Variants in WBP4 observed in about 807,000 individuals in gnomAD.
WBP4 encodes WW domain-binding protein 4.
A neutral mutation model predicts 55.4 loss-of-function variants in WBP4; 37 were observed. The observed-to-expected ratio is 0.67, with a 90% CI of 0.51 to 0.88. WBP4 has a LOEUF of 0.88. Ranked by LOEUF, WBP4 falls within the 40% of genes least tolerant of loss-of-function variation. The pLI is 0.00. For synonymous variants in WBP4, 142 were observed against 140.2 expected, an observed-to-expected ratio of 1.01 and a Z score of -0.09; for missense variants, 398 against 420.8, an observed-to-expected ratio of 0.95 and a Z score of 0.47.
chr13:41,073,846 C>CT (rs1878359353), intron 7 of WBP4, among the ~76,000 whole-genome samples: 2 of 151,658 alleles, frequency 1.3e-5, no homozygotes, highest in Non-Finnish European at 1.5e-5. Context: ...TTAGTAGTGT[C>CT]TAACAAATTA....
At position 41,063,284 on chromosome 13, in the gene WBP4, C is replaced by A. The variant is rs183468548; in HGVS notation, c.75+568C>A. Among the ~76,000 whole-genome samples the A allele has an allele frequency of 1.9e-3, 287 of 152,280 alleles. 1 individual carries two copies. Among genetic ancestry groups the A allele is most frequent in the African/African-American group, 6.5e-3 (269 of 41,552 alleles). ...AGCACACCGCTGATTTTTCTCCCCTCTTGCATGTCAAAATACTATGTACAT... is the reference window on the plus strand; with the variant it reads ...AGCACACCGCTGATTTTTCTCCCCTATTGCATGTCAAAATACTATGTACAT... On this transcript the variant is annotated intron_variant, in intron 2 of 9. Coordinates refer to ENST00000379487, the MANE Select transcript of WBP4 (RefSeq NM_007187.5).
At chr13:41,066,027 G>A (rs1054848622) in intron 4 of WBP4, among the ~76,000 whole-genome samples, 12 of 152,114 alleles carry the variant, frequency 7.9e-5, no homozygotes, top group African/African-American at 2.9e-4. Context: ...AAGTTAATTG[G>A]CATTGTGTTC....
At chr13:41,076,723 T>C (rs909239746) in intron 8 of WBP4, among the ~76,000 whole-genome samples, 1 of 152,170 alleles carries the variant, frequency 6.6e-6, no homozygotes, top group African/African-American at 2.4e-5. Context: ...ATTATTAGCA[T>C]TGAGCAATGG....
At position 41,071,375 on chromosome 13, in the gene WBP4, G is replaced by A. The variant is rs1593428825; in HGVS notation, c.440-152G>A. 1.3e-5 allele frequency: 8 copies of A among 618,404 alleles called. No individual in the cohort carries two copies. In the East Asian group the frequency reaches 2.3e-4, roughly 17 times the overall value. The allele number at this position is 618,404 out of a possible 1,614,324, so 38.3% of individuals were successfully genotyped here. A position where few individuals can be genotyped will look rare whatever the true frequency, so the allele number is the denominator to read the frequency against. On this transcript the variant is annotated intron_variant, in intron 5 of 9. Coordinates refer to ENST00000379487, the MANE Select transcript of WBP4 (RefSeq NM_007187.5). ...TCACATATATTGTCTGCACAGTACT[G>A]GGATGTATGTTCTGTTTTATTTTTC...
At chr13:41,065,663 C>A (rs1877940981) in intron 4 of WBP4, among the ~76,000 whole-genome samples, 1 of 152,062 alleles carries the variant, frequency 6.6e-6, no homozygotes, top group African/African-American at 2.4e-5. Context: ...TTCACTGTGT[C>A]CATATGGTGA....
chr13:41,065,229 G>T lies in WBP4; in HGVS notation c.204G>T (p.Met68Ile). ...EEKASKEFAA[M>I]EAAALKAYQE... is the part of the protein sequence containing the mutation. ...AGGCATCAAAGGAGTTTGCTGCAAT[G>T]GAGGCAGCTGCCCTGAAAGCATACC... The change falls in exon 4 of 10, where the codon ATG becomes ATT. Residue 68 changes from methionine to isoleucine, a missense_variant. By Grantham distance (10) the Met-to-Ile change is conservative (BLOSUM62 1). Transcript: ENST00000379487. 6.2e-7 allele frequency: 1 copy of T among 1,611,976 alleles called. No individual in the cohort carries two copies. Among genetic ancestry groups the T allele is most frequent in the Non-Finnish European group, 8.5e-7 (1 of 1,179,190 alleles).
chr13:41,071,255 CT>C (rs1878232319), intron 5 of WBP4, among the ~76,000 whole-genome samples: 6 of 152,310 alleles, frequency 3.9e-5, no homozygotes, highest in African/African-American at 1.4e-4. Flanking sequence ...TCTGTGAAAC[CT>C]TTATGAGAAG....
intron 2 of WBP4, 87 bp from the exon 3 acceptor site, chr13:41,064,929 C>T: frequency 1.6e-6 from 2 of 1,222,846 alleles, no homozygotes; most frequent in Non-Finnish European, 2.2e-6. Context: ...TTTTAATTTT[C>T]TCATGTTTAT....
rs748724660 is a variant in WBP4 at position 41,072,835 on chromosome 13, T to C, written c.540T>C (p.Tyr180=). The change falls in exon 7 of 10, where the codon TAT becomes TAC. Residue 180 remains tyrosine, a synonymous_variant. Coordinates refer to ENST00000379487, the MANE Select transcript of WBP4 (RefSeq NM_007187.5). ...GTTTAAGTGAAGATGGTTTTACCTA[T>C]TACTATAATACAGAAACAGGAGGTA... ...VEGLSEDGFT[Y]YYNTETGESR... The C allele has an allele frequency of 6.2e-7, 1 of 1,613,554 alleles. No homozygotes were observed. Among genetic ancestry groups the C allele is most frequent in the South Asian group, 1.1e-5 (1 of 91,020 alleles).
At chr13:41,077,494 A>C (rs1878553330) in intron 8 of WBP4, among the ~76,000 whole-genome samples, 1 of 152,130 alleles carries the variant, frequency 6.6e-6, no homozygotes, top group Non-Finnish European at 1.5e-5. Flanking sequence ...TCTGTCTCAA[A>C]AAAAAAAGAA....
At chr13:41,078,677 A>G (rs1878610614) in intron 8 of WBP4, among the ~76,000 whole-genome samples, 1 of 152,122 alleles carries the variant, frequency 6.6e-6, no homozygotes, top group Admixed American at 6.5e-5. Flanking sequence ...AAAATAGAAA[A>G]TTAGCTGGGT....
intron 7 of WBP4, among the ~76,000 whole-genome samples, chr13:41,075,363 C>G (rs185532056): frequency 6.6e-6 from 1 of 152,240 alleles, no homozygotes; most frequent in South Asian, 2.1e-4. Context: ...TAATTTCACT[C>G]CATGAAAATC....
At chr13:41,071,050 T>C (rs1878223518) in intron 5 of WBP4, among the ~76,000 whole-genome samples, 1 of 152,204 alleles carries the variant, frequency 6.6e-6, no homozygotes, top group African/African-American at 2.4e-5. Context: ...AAACTGTTAT[T>C]TCATTTCTCC....
Position 41,065,075 on chromosome 13 carries a change from T to C in WBP4, c.135T>C (p.Ser45=). 1 of 1,598,924 alleles carries C rather than the reference T, an allele frequency of 6.3e-7. No individual in the cohort carries two copies. ...AGGAAAATGTGGCAAAAAGGATCAGTGAGGTAATTTAGATTGTTTATTTGC... is the reference window on the plus strand; with the variant it reads ...AGGAAAATGTGGCAAAAAGGATCAGCGAGGTAATTTAGATTGTTTATTTGC... ...NHKENVAKRI[S]EIKQKSLDKA... The change falls in exon 3 of 10, where the codon AGT becomes AGC. Residue 45 remains serine (S), a synonymous_variant. Coordinates refer to ENST00000379487, the MANE Select transcript of WBP4 (RefSeq NM_007187.5).
At chr13:41,061,736 CCCGGGTCTT>C in intron 1 of WBP4, 61 bp downstream of exon 1, 1 of 1,609,498 alleles carries the variant, frequency 6.2e-7, no homozygotes, top group Non-Finnish European at 8.5e-7. Context: ...CCCTTTCTCG[CCCGGGTCTT>C]CCCCTCCTCT....
chr13:41,077,320 A>G (rs1483378749), intron 8 of WBP4, among the ~76,000 whole-genome samples: 1 of 152,182 alleles, frequency 6.6e-6, no homozygotes, highest in African/African-American at 2.4e-5. Flanking sequence ...CCTCATAATA[A>G]TAAAATAATA....
Position 41,080,808 on chromosome 13 carries a change from CAGTA to C in WBP4, c.920+4_920+7del, listed in dbSNP as rs1429236556. The C allele has an allele frequency of 1.2e-6, 2 of 1,604,728 alleles. No homozygotes were observed. The highest frequency in any genetic ancestry group is 1.1e-5 in the South Asian group (1 of 88,236). On this transcript the variant is annotated splice_donor_variant and splice_donor_region_variant and coding_sequence_variant and intron_variant, in exon 9 of 10. Transcript: ENST00000379487. LOFTEE classifies it high-confidence loss of function. ...AGAAATTAAACAAGAGGTTGAGTCTCAGTAAGTACCTGGAGCTTTAATCCCACTG... is the reference window on the plus strand; with the variant it reads ...AGAAATTAAACAAGAGGTTGAGTCTCAGTACCTGGAGCTTTAATCCCACTG...
intron 9 of WBP4, among the ~76,000 whole-genome samples, chr13:41,082,414 C>A (rs1878822461): frequency 6.6e-6 from 1 of 152,048 alleles, no homozygotes; most frequent in African/African-American, 2.4e-5. Flanking sequence ...GCACCCAACC[C>A]CCTTATCCCT....
At chr13:41,062,010 C>T (rs374677633) in intron 1 of WBP4, 1 of 976,310 alleles carries the variant, frequency 1.0e-6, no homozygotes, top group Admixed American at 6.2e-5. Flanking sequence ...TTTCCGAAGC[C>T]CCTGAACCCT....
Sources: allele counts gnomAD v4.1 joint callset (sites outside exome capture counted in the v4.1 genomes callset), GRCh38; gene constraint gnomAD v4.1.1; transcripts MANE v1.5; gene names NCBI Gene and HGNC (gene_info 2026-07-23, HGNC 2026-07-21).